The following SF1 variants were observed in gnomAD, a reference collection of about 807,000 sequenced individuals.
SF1 encodes splicing factor 1.
Under a neutral mutation model 62.5 loss-of-function variants are expected in SF1, and 7 were observed. The observed-to-expected ratio is 0.11, with a 90% CI of 0.06 to 0.21. SF1 has a LOEUF of 0.21. Among genes scored for constraint, SF1 ranks in the 10% least tolerant of loss-of-function variants. SF1 has a pLI of 1.00. For synonymous variants in SF1, 394 were observed against 323.6 expected (o/e 1.22, Z -2.33); for missense variants, 578 against 884.0 (o/e 0.65, Z 4.39).
In SF1 at chr11:64,770,879, T is replaced by C. The variant is rs185395595; in HGVS notation, c.237-471A>G. 3.3e-5 allele frequency among the ~76,000 whole-genome samples: 5 copies of C among 152,322 alleles called. No homozygotes were observed. The East Asian group carries it at 7.7e-4, about 23-fold the overall frequency. ...GCTTCTGTACCCCTAACACATAGTATGTATGAGCTCTTTAACCCAATGCAA... is the reference window on the plus strand; with the variant it reads ...GCTTCTGTACCCCTAACACATAGTACGTATGAGCTCTTTAACCCAATGCAA... On this transcript the variant is annotated intron_variant, in intron 3 of 12. Transcript: ENST00000377390.
Position 64,770,072 on chromosome 11 carries a change from T to C in SF1, c.390-19A>G. On this transcript the variant is annotated intron_variant, in intron 4 of 12. Coordinates refer to ENST00000377390, the MANE Select transcript of SF1 (RefSeq NM_004630.4). ...TGGAGGTCTAAGAAAGAAAAGCCTG[T>C]GTCACCGCACATTTCTGGAGAATGA... 1 of 1,604,060 alleles carries C rather than the reference T, an allele frequency of 6.2e-7. No homozygotes were observed. Among genetic ancestry groups the C allele is most frequent in the Non-Finnish European group, 8.5e-7 (1 of 1,170,992 alleles).
rs761299488 is a variant in SF1, at chr11:64,769,950, C to T, written c.479+14G>A. The T allele has an allele frequency of 1.9e-6, 3 of 1,593,396 alleles. No homozygotes were observed. The highest frequency in any genetic ancestry group is 2.6e-6 in the Non-Finnish European group (3 of 1,161,288). On this transcript the variant is annotated intron_variant, in intron 5 of 12. Transcript: ENST00000377390. ...TAAAGGAATTCTATATCCTATAGACCAGCAGTTACTCACCTGGGCCCGATG... is the reference window on the plus strand; with the variant it reads ...TAAAGGAATTCTATATCCTATAGACTAGCAGTTACTCACCTGGGCCCGATG...
At position 64,765,696 on chromosome 11, in the gene SF1, CAT is replaced by C. The variant is rs1054659586; in HGVS notation, c.*120_*121del. The C allele has an allele frequency of 2.4e-4, 349 of 1,461,106 alleles. No individual in the cohort carries two copies. The highest frequency in any genetic ancestry group is 2.8e-4 in the Non-Finnish European group (312 of 1,108,752). The allele number at this position is 1,461,106 out of a possible 1,614,324, so 90.5% of individuals were successfully genotyped here. A position where few individuals can be genotyped will look rare whatever the true frequency, so the allele number is the denominator to read the frequency against. ...CCAGCCCAGTGCGTGCACACACACA[CAT>C]GCGTGCACACACAATCACATGCGTG... is the stretch of plus-strand genomic sequence containing the variant. On this transcript the variant is annotated 3_prime_UTR_variant, in exon 13 of 13. Transcript: ENST00000377390.
intron 3 of SF1, among the ~76,000 whole-genome samples, chr11:64,771,250 A>G (rs1938277353): frequency 6.6e-6 from 1 of 152,180 alleles, no homozygotes; most frequent in Admixed American, 6.5e-5. Flanking sequence ...GCTACAAGTA[A>G]AAAAATGTAA....
At chr11:64,772,027 T>C in intron 3 of SF1, 1 of 985,388 alleles carries the variant, frequency 1.0e-6, no homozygotes, top group Non-Finnish European at 1.2e-6. Flanking sequence ...AAAACAAGTC[T>C]TACCAGCACC....
rs2058609138 is a variant in SF1 at position 64,765,791 on chromosome 11, T to TAA, written c.*25_*26dup. On this transcript the variant is annotated 3_prime_UTR_variant, in exon 13 of 13. Transcript: ENST00000377390. ...AAACGAGACCAATTCTCTCTATATA[T>TAA]AATATATATTTTCTTAAAAAACAAG... The TAA allele has an allele frequency of 6.6e-7, 1 of 1,521,570 alleles. No homozygotes were observed. Among genetic ancestry groups the TAA allele is most frequent in the Non-Finnish European group, 8.8e-7 (1 of 1,136,464 alleles). The allele number at this position is 1,521,570 out of a possible 1,614,324, so 94.3% of individuals were successfully genotyped here.
chr11:64,775,032 AG>A (rs925616542), intron 2 of SF1, among the ~76,000 whole-genome samples: 2 of 152,014 alleles, frequency 1.3e-5, no homozygotes, highest in African/African-American at 2.4e-5. Flanking sequence ...ACAGAAAAGT[AG>A]TAAGACACAT....
In SF1 at chr11:64,777,612, G is replaced by A. The variant is rs149979544; in HGVS notation, c.31+750C>T. 419 of 985,488 alleles carry A rather than the reference G, an allele frequency of 4.3e-4. 1 individual carries two copies. In the African/African-American group the frequency reaches 6.2e-3, roughly 15 times the overall value. 61.0% of individuals were successfully genotyped at this position (985,488 alleles called of 1,614,324 possible). ...GAGTCGCTGCACGTCATCAGGTGAG[G>A]CTTTCACGCCCTGCTGGCATTCACA... On this transcript the variant is annotated intron_variant, in intron 1 of 12. Transcript: ENST00000377390.
chr11:64,766,463 C>T, intron 12 of SF1: 6 of 483,834 alleles, frequency 1.2e-5, no homozygotes, highest in South Asian at 2.7e-5. Context: ...CCGCCACCAC[C>T]GAACGGCACA....
In SF1 at chr11:64,778,371, T is replaced by C. The variant is rs1031651562; in HGVS notation, c.22A>G (p.Thr8Ala). 9 of 1,226,790 alleles carry C rather than the reference T, an allele frequency of 7.3e-6. No individual in the cohort carries two copies. The highest frequency in any genetic ancestry group is 1.6e-5 in the African/African-American group (1 of 63,806). The allele number at this position is 1,226,790 out of a possible 1,614,324, so 76.0% of individuals were successfully genotyped here. ...GGGGGGCCCAGCTTACCCAACGGCGTGGCGTTCGCTCCGGTCGCCATGGCG... is the reference window on the plus strand; with the variant it reads ...GGGGGGCCCAGCTTACCCAACGGCGCGGCGTTCGCTCCGGTCGCCATGGCG... MATGANA[T>A]PLDFPSKKRK... Residue 8 changes from threonine to alanine, a missense_variant, in exon 1 of 13, where the codon ACG (threonine) becomes GCG (alanine). Thr to Ala is a moderately conservative substitution (Grantham distance 58, BLOSUM62 0). Around this residue, in one of 7 missense-constraint regions of SF1, gnomAD observed 37 missense variants for 34.6 expected, o/e 1.07. Transcript: ENST00000377390.
chr11:64,765,302 A>G lies in SF1; in HGVS notation c.*516T>C, dbSNP rs542164137. 1.6e-5 allele frequency: 10 copies of G among 635,954 alleles called. No homozygotes were observed. Among genetic ancestry groups the G allele is most frequent in the Non-Finnish European group, 2.8e-5 (10 of 351,044 alleles). 39.4% of individuals were successfully genotyped at this position (635,954 alleles called of 1,614,324 possible). On this transcript the variant is annotated 3_prime_UTR_variant, in exon 13 of 13. Transcript: ENST00000377390. ...ACGGAGTCTGAAGAAAGGAAAAGATAAAGAAGTAACAAAGGAAAAAGAAAA... is the reference window on the plus strand; with the variant it reads ...ACGGAGTCTGAAGAAAGGAAAAGATGAAGAAGTAACAAAGGAAAAAGAAAA...
Position 64,765,897 on chromosome 11 carries a change from G to T in SF1, c.1841C>A (p.Thr614Asn). The change falls in exon 13 of 13, where the codon ACC becomes AAC. Residue 614 changes from threonine to asparagine, a missense_variant. Physicochemically the swap from Thr to Asn is moderately conservative, Grantham distance 65 (BLOSUM62 0). This residue lies in a region of SF1 where 410 missense variants were observed against 452.4 expected (regional missense o/e 0.91). Coordinates refer to ENST00000377390, the MANE Select transcript of SF1 (RefSeq NM_004630.4). ...GCCCGCCACCCCCATGCCCATCATG[G>T]TGACAAAGTTAGAAGGGTCCATGGG... Reference protein sequence around the residue: ...PPPMDPSNFVTMMGMGVAGMP... With the variant: ...PPPMDPSNFVNMMGMGVAGMP... The T allele has an allele frequency of 6.4e-7, 1 of 1,565,398 alleles. No homozygotes were observed.
At chr11:64,773,573 C>G (rs752324614) in intron 2 of SF1, 68 bp from the exon 3 acceptor site, 7 of 1,514,596 alleles carry the variant, frequency 4.6e-6, no homozygotes, top group Non-Finnish European at 6.3e-6. Context: ...ATAAACATCT[C>G]AAATCTCAAC....
chr11:64,774,724 C>A (rs372341106), intron 2 of SF1, among the ~76,000 whole-genome samples: 8 of 152,072 alleles, frequency 5.3e-5, no homozygotes, highest in African/African-American at 1.7e-4. Context: ...CTTTGGGAGG[C>A]CAAGGCAGGC....
chr11:64,766,118 G>A lies in SF1; in HGVS notation c.1620C>T (p.Ser540=), dbSNP rs2058643257. 5 of 1,609,712 alleles carry A rather than the reference G, an allele frequency of 3.1e-6. 1 individual carries two copies. Among genetic ancestry groups the A allele is most frequent in the Non-Finnish European group, 2.5e-6 (3 of 1,179,748 alleles). Residue 540 remains serine (S), a synonymous_variant, in exon 13 of 13, where the codon TCC becomes TCT. Transcript: ENST00000377390. ...CCTGCTGCTGTTGCCATGGCGGGATGGACCCTGTGCCAGCGCTCGTGGTGG... is the reference window on the plus strand; with the variant it reads ...CCTGCTGCTGTTGCCATGGCGGGATAGACCCTGTGCCAGCGCTCGTGGTGG... ...TTTTTSAGTG[S]IPPWQQQQAA...
chr11:64,770,443 C>G, intron 3 of SF1, 35 bp from the exon 4 acceptor site: 2 of 1,599,646 alleles, frequency 1.3e-6, no homozygotes, highest in South Asian at 1.1e-5. Context: ...CTATTCTGCA[C>G]CGACTTCTCT....
Position 64,767,173 on chromosome 11 carries a change from G to A in SF1, c.1402+19C>T. The A allele has an allele frequency of 6.2e-7, 1 of 1,613,886 alleles. No individual in the cohort carries two copies. The highest frequency in any genetic ancestry group is 8.5e-7 in the Non-Finnish European group (1 of 1,179,804). On this transcript the variant is annotated intron_variant, in intron 11 of 12. Transcript: ENST00000377390. ...ACCCAAGCCTAGGTGAAGACCCACAGCCAGCAGACAGCCATTACCTTTTCC... is the reference window on the plus strand; with the variant it reads ...ACCCAAGCCTAGGTGAAGACCCACAACCAGCAGACAGCCATTACCTTTTCC...
rs1382248423 is a variant in SF1, at chr11:64,768,387, CA to C, written c.888-102del. On this transcript the variant is annotated intron_variant, in intron 8 of 12. Coordinates refer to ENST00000377390, the MANE Select transcript of SF1 (RefSeq NM_004630.4). ...AACATATGGAAAGTTCTGAAGAATT[CA>C]ATCACCAGATCATCACACATCTTTC... 10 of 1,041,530 alleles carry C rather than the reference CA, an allele frequency of 9.6e-6. 1 individual carries two copies. The highest frequency in any genetic ancestry group is 1.3e-5 in the Non-Finnish European group (9 of 687,436). 64.5% of individuals were successfully genotyped at this position (1,041,530 alleles called of 1,614,324 possible).
intron 3 of SF1, 144 bp from the exon 4 acceptor site, chr11:64,770,552 C>G (rs1938152491): frequency 1.2e-6 from 1 of 863,032 alleles, no homozygotes; most frequent in African/African-American, 1.7e-5. Context: ...GTGTGCTACT[C>G]AAGATCGTGT....
Sources: gnomAD v4.1 joint callset for allele counts (sites outside exome capture counted in the v4.1 genomes callset) on GRCh38, gnomAD v4.1.1 for gene constraint, gnomAD v4.1.1 regional missense constraint, MANE v1.5 for transcripts, NCBI Gene and HGNC (gene_info 2026-07-23, HGNC 2026-07-21) for gene names.